Variants in IGSF5 observed in about 807,000 individuals in gnomAD.
IGSF5 encodes the protein immunoglobulin superfamily 5 like.
IGSF5 carries 41 observed loss-of-function variants against 39.4 expected under a neutral mutation model. The ratio of observed to expected loss-of-function variants is 1.04; its 90% CI spans 0.81 to 1.35. IGSF5 has a LOEUF of 1.35. Ranked by LOEUF, IGSF5 falls within the 40% of genes most tolerant of loss-of-function variation. The pLI is 0.00. For synonymous variants in IGSF5, 183 were observed against 175.3 expected (o/e 1.04, Z -0.34); for missense variants, 487 against 494.6 (o/e 0.98, Z 0.15).
At chr21:39,779,693 T>C (rs2080159968) in intron 5 of IGSF5, among the ~76,000 whole-genome samples, 1 of 152,220 alleles carries the variant, frequency 6.6e-6, no homozygotes, top group Non-Finnish European at 1.5e-5. Context: ...ATGTGGTATA[T>C]AGACACAATG....
chr21:39,762,758 C>T (rs1237450754), intron 2 of IGSF5, among the ~76,000 whole-genome samples: 1 of 152,106 alleles, frequency 6.6e-6, no homozygotes, highest in Non-Finnish European at 1.5e-5. Context: ...GGAAAGCAGC[C>T]CCCACTATAT....
chr21:39,756,413 G>C (rs1013314201), intron 2 of IGSF5, among the ~76,000 whole-genome samples: 2 of 152,200 alleles, frequency 1.3e-5, no homozygotes, highest in African/African-American at 4.8e-5. Context: ...TTCTGGGTTG[G>C]CTGTGGGGTC....
At chr21:39,765,892 T>C in intron 3 of IGSF5, 40 bp downstream of exon 3, 2 of 1,576,152 alleles carry the variant, frequency 1.3e-6, no homozygotes, top group Non-Finnish European at 1.7e-6. Flanking sequence ...TCAGGTTAAA[T>C]GTCAGAGGGC....
rs777302333 is a variant in IGSF5, at chr21:39,745,390, AG to A, written c.-118del. 4.6e-5 allele frequency: 29 copies of A among 637,018 alleles called. No individual in the cohort carries two copies. Among genetic ancestry groups the A allele is most frequent in the Non-Finnish European group, 7.7e-5 (27 of 352,218 alleles). The allele number at this position is 637,018 out of a possible 1,614,324, so 39.5% of individuals were successfully genotyped here. ...TCCCTTTGGAGATACAACCTGCTAG[AG>A]GAAATGAAAGTCTGAACCATTAGTA... On this transcript the variant is annotated 5_prime_UTR_variant, in exon 1 of 9. Coordinates refer to ENST00000380588, the MANE Select transcript of IGSF5 (RefSeq NM_001080444.2).
At chr21:39,757,042 T>C (rs1601123604) in intron 2 of IGSF5, among the ~76,000 whole-genome samples, 1 of 150,984 alleles carries the variant, frequency 6.6e-6, no homozygotes, top group Non-Finnish European at 1.5e-5. Flanking sequence ...GCAGGCACAG[T>C]CCCCCCGAGA....
At chr21:39,751,382 G>A (rs2080004851) in intron 2 of IGSF5, 1 of 152,258 alleles carries the variant, frequency 6.6e-6, no homozygotes, top group Non-Finnish European at 1.5e-5. Context: ...TGTCAAGTGA[G>A]TTTCTCCATA....
chr21:39,722,918 A>T, the IGSF5 span, among the ~76,000 whole-genome samples: 1 of 152,226 alleles, frequency 6.6e-6, no homozygotes, highest in African/African-American at 2.4e-5. Flanking sequence ...CAACACAAAT[A>T]AGCATATGTG....
At chr21:39,785,292 A>T (rs919297674) in intron 5 of IGSF5, among the ~76,000 whole-genome samples, 1 of 152,004 alleles carries the variant, frequency 6.6e-6, no homozygotes, top group Non-Finnish European at 1.5e-5. Flanking sequence ...AAACAATGGC[A>T]GCACCATTTA....
the IGSF5 span, among the ~76,000 whole-genome samples, chr21:39,720,906 C>CA: frequency 6.6e-6 from 1 of 152,054 alleles, no homozygotes; most frequent in Admixed American, 6.5e-5. Flanking sequence ...TTAACAACAA[C>CA]AAAAAATCAG....
the IGSF5 span, among the ~76,000 whole-genome samples, chr21:39,728,541 G>A: frequency 6.6e-6 from 1 of 152,134 alleles, no homozygotes; most frequent in Non-Finnish European, 1.5e-5. Flanking sequence ...AGTTTCTGTT[G>A]TTTGAGCTGC....
chr21:39,777,135 G>A (rs555650431), intron 4 of IGSF5, among the ~76,000 whole-genome samples: 13 of 152,246 alleles, frequency 8.5e-5, no homozygotes, highest in East Asian at 1.9e-4. Context: ...TAAAGTTCTC[G>A]CTCAGTCACA....
the IGSF5 span, among the ~76,000 whole-genome samples, chr21:39,720,510 C>T: frequency 6.6e-6 from 1 of 152,184 alleles, no homozygotes. Context: ...TGAAAAACAT[C>T]AGACAAATCT....
chr21:39,778,388 CCTT>C (rs1388826361), intron 4 of IGSF5, among the ~76,000 whole-genome samples: 1 of 152,176 alleles, frequency 6.6e-6, no homozygotes, highest in Non-Finnish European at 1.5e-5. Context: ...TTTCCTCTCT[CCTT>C]CTCTCCCTAC....
chr21:39,746,357 G>T, intron 2 of IGSF5, 59 bp downstream of exon 2: 1 of 681,066 alleles, frequency 1.5e-6, no homozygotes, highest in Non-Finnish European at 2.7e-6. Context: ...GCAGTTGCAA[G>T]ATTTAATAGA....
At chr21:39,790,942 T>C (rs905785561) in intron 6 of IGSF5, among the ~76,000 whole-genome samples, 1 of 152,258 alleles carries the variant, frequency 6.6e-6, no homozygotes, top group African/African-American at 2.4e-5. Context: ...CTGGGCATAA[T>C]TTAAAATATA....
the IGSF5 span, among the ~76,000 whole-genome samples, chr21:39,737,823 G>A: frequency 3.3e-5 from 5 of 152,154 alleles, no homozygotes; most frequent in Non-Finnish European, 4.4e-5. Context: ...CATTCTTTTG[G>A]CCTCTCTCTG....
chr21:39,726,341 GA>G, the IGSF5 span, among the ~76,000 whole-genome samples: 5 of 152,216 alleles, frequency 3.3e-5, no homozygotes, highest in African/African-American at 1.2e-4. Context: ...CCTGGGAGAA[GA>G]AAGATTGGAA....
the IGSF5 span, among the ~76,000 whole-genome samples, chr21:39,717,457 G>A: frequency 6.6e-6 from 1 of 152,118 alleles, no homozygotes; most frequent in Admixed American, 6.5e-5. Flanking sequence ...TGTCTTCCAA[G>A]GTTCTTATAG....
chr21:39,721,029 C>G, the IGSF5 span, among the ~76,000 whole-genome samples: 1 of 152,124 alleles, frequency 6.6e-6, no homozygotes, highest in African/African-American at 2.4e-5. Flanking sequence ...ACCTGTAGAA[C>G]GAGACATTTT....
Sources: allele counts gnomAD v4.1 joint callset (sites outside exome capture counted in the v4.1 genomes callset), GRCh38; gene constraint gnomAD v4.1.1; transcripts MANE v1.5; gene names NCBI Gene and HGNC (gene_info 2026-07-23, HGNC 2026-07-21).